Variants in GLB1 observed in about 807,000 individuals in gnomAD.
GLB1 encodes galactosidase beta 1, also known as beta-galactosidase.
A neutral mutation model predicts 74.0 loss-of-function variants in GLB1; 56 were observed. The ratio of observed to expected loss-of-function variants is 0.76; its 90% CI spans 0.61 to 0.94. GLB1 has a LOEUF of 0.94. GLB1 is among the 40% of genes least tolerant of loss of function. The probability of loss-of-function intolerance (pLI) is 0.00; values close to 1 mark genes in which losing one functional copy is unlikely to be tolerated. For missense variants in GLB1, 787 were observed against 845.5 expected (o/e 0.93, Z 0.86); for synonymous variants, 323 against 323.6 (o/e 1.00, Z 0.02).
At chr3:32,992,403 C>G (rs1281334743), downstream of GLB1, among the ~76,000 whole-genome samples, 1 of 152,174 alleles carries the variant, frequency 6.6e-6, no homozygotes, top group Non-Finnish European at 1.5e-5. Context: ...CTCTTGTCCC[C>G]CAGGTTTCCA....
chr3:33,051,924 G>A lies in GLB1; in HGVS notation c.873C>T (p.Ser291=), dbSNP rs755951134. ...HSTIKTEAVA[S]SLYDILARGA... ...CACGGGCAAGTATATCATAGAGGGA[G>A]GAAGCCACTGCTTCGGTCTTGATTG... The change falls in exon 8 of 16, where the codon TCC becomes TCT. Residue 291 remains serine (S), a synonymous_variant. Transcript: ENST00000307363. 3 of 1,614,232 alleles carry A rather than the reference G, an allele frequency of 1.9e-6. No individual in the cohort carries two copies. The highest frequency in any genetic ancestry group is 1.3e-5 in the African/African-American group (1 of 75,046).
the GLB1 span, among the ~76,000 whole-genome samples, chr3:32,976,481 C>A: frequency 6.6e-6 from 1 of 152,214 alleles, no homozygotes; most frequent in African/African-American, 2.4e-5. Flanking sequence ...GATCTTGCTT[C>A]CTCCCCAAGC....
At chr3:33,027,513 C>T (rs1004326181) in intron 10 of GLB1, among the ~76,000 whole-genome samples, 2 of 152,200 alleles carry the variant, frequency 1.3e-5, no homozygotes, top group South Asian at 2.1e-4. Flanking sequence ...AAGTGACACC[C>T]GGCTCACGCC....
chr3:32,972,196 C>G, the GLB1 span, among the ~76,000 whole-genome samples: 1 of 152,224 alleles, frequency 6.6e-6, no homozygotes, highest in Non-Finnish European at 1.5e-5. Context: ...GCAGGCAGTC[C>G]TTGAAATCAT....
rs910788690 is a variant in GLB1, at chr3:33,091,027, T to C, written c.75+5984A>G. ...AACCAGTGAAATAACACGTAACAGG[T>C]GAGTCAAACATTACCAGCCGCATCA... is the stretch of plus-strand genomic sequence containing the variant. On this transcript the variant is annotated intron_variant, in intron 1 of 15. Coordinates refer to ENST00000307363, the MANE Select transcript of GLB1 (RefSeq NM_000404.4). 7 of 984,690 alleles carry C rather than the reference T, an allele frequency of 7.1e-6. No individual in the cohort carries two copies. In the African/African-American group the frequency reaches 1.2e-4, roughly 17 times the overall value. 61.0% of individuals were successfully genotyped at this position (984,690 alleles called of 1,614,324 possible).
chr3:33,049,504 C>A (rs949793422), intron 9 of GLB1, among the ~76,000 whole-genome samples: 1 of 152,168 alleles, frequency 6.6e-6, no homozygotes, highest in Admixed American at 6.5e-5. Flanking sequence ...GCAACCTCCA[C>A]CACCTGGGTT....
At chr3:33,087,252 T>C (rs1050303524) in intron 1 of GLB1, among the ~76,000 whole-genome samples, 2 of 150,878 alleles carry the variant, frequency 1.3e-5, no homozygotes, top group Non-Finnish European at 3.0e-5. Flanking sequence ...CAATAGCTAT[T>C]AAAAAGATTG....
chr3:33,014,126 T>C lies in GLB1; in HGVS notation c.1664A>G (p.Asn555Ser), dbSNP rs1231200358. 1.2e-6 allele frequency: 2 copies of C among 1,614,160 alleles called. No individual in the cohort carries two copies. The highest frequency in any genetic ancestry group is 1.7e-5 in the Admixed American group (1 of 60,022). Residue 555 changes from asparagine to serine, a missense_variant, in exon 15 of 16, where the codon AAC (asparagine) becomes AGC (serine). Asn to Ser is a conservative substitution (Grantham distance 46, BLOSUM62 1). Coordinates refer to ENST00000307363, the MANE Select transcript of GLB1 (RefSeq NM_000404.4). ...TGGGATCCCACTGGGAATGGAGAAGTTCCCCATATAAAAGGCCGGGAGCGT... is the reference window on the plus strand; with the variant it reads ...TGGGATCCCACTGGGAATGGAGAAGCTCCCCATATAAAAGGCCGGGAGCGT... ...NYTLPAFYMG[N>S]FSIPSGIPDL...
At chr3:33,046,723 A>C (rs1287602902) in intron 9 of GLB1, among the ~76,000 whole-genome samples, 1 of 152,172 alleles carries the variant, frequency 6.6e-6, no homozygotes, top group African/African-American at 2.4e-5. Flanking sequence ...GGGCTTATTA[A>C]ACCAAACACA....
the GLB1 span, among the ~76,000 whole-genome samples, chr3:32,984,621 T>C: frequency 6.6e-6 from 1 of 151,900 alleles, no homozygotes; most frequent in African/African-American, 2.4e-5. Context: ...CCATTAAAAA[T>C]TTAAAAAATT....
chr3:33,068,170 A>G, intron 4 of GLB1, 60 bp downstream of exon 4: 3 of 1,611,380 alleles, frequency 1.9e-6, no homozygotes, highest in Non-Finnish European at 2.5e-6. Flanking sequence ...TACAGGCGTG[A>G]GCCACCGCAC....
In GLB1 at chr3:33,093,336, T is replaced by G; in HGVS notation, c.75+3675A>C. 1 of 1,614,140 alleles carries G rather than the reference T, an allele frequency of 6.2e-7. No individual in the cohort carries two copies. The highest frequency in any genetic ancestry group is 8.5e-7 in the Non-Finnish European group (1 of 1,180,028). On this transcript the variant is annotated intron_variant, in intron 1 of 15. Transcript: ENST00000307363. This position sits in a 1 kb window ranked among gnomAD's most constrained non-coding sequence, Gnocchi z 6.0. ...CAGGGATTCCAGAAGTGCAAACCAG[T>G]TGCTGACATCTGACGTGTAGTACTC...
the GLB1 span, among the ~76,000 whole-genome samples, chr3:32,976,336 C>G: frequency 6.6e-6 from 1 of 152,166 alleles, no homozygotes; most frequent in Non-Finnish European, 1.5e-5. Context: ...GCTGCTCAAG[C>G]TGGTGTGGGA....
intron 10 of GLB1, among the ~76,000 whole-genome samples, chr3:33,025,621 G>A (rs1441662645): frequency 2.0e-5 from 3 of 150,594 alleles, no homozygotes; most frequent in African/African-American, 7.3e-5. Context: ...GAGGTCGTGG[G>A]CCGTGGCGGT....
intron 15 of GLB1, among the ~76,000 whole-genome samples, chr3:33,008,761 G>T (rs977884107): frequency 3.3e-5 from 5 of 152,158 alleles, no homozygotes; most frequent in African/African-American, 1.2e-4. Context: ...CATGGAGGAG[G>T]AATGAAGGAG....
chr3:33,006,515 A>T (rs1424252525), intron 15 of GLB1, among the ~76,000 whole-genome samples: 1 of 152,076 alleles, frequency 6.6e-6, no homozygotes, highest in Admixed American at 6.6e-5. Flanking sequence ...CATACAGGAC[A>T]TATTGTGGAA....
chr3:33,079,402 C>T (rs1223774675), intron 1 of GLB1, among the ~76,000 whole-genome samples: 1 of 152,130 alleles, frequency 6.6e-6, no homozygotes, highest in Non-Finnish European at 1.5e-5. Flanking sequence ...AATGATATGC[C>T]TACTGAAGTA....
chr3:32,991,022 A>T, the GLB1 span, among the ~76,000 whole-genome samples: 2 of 152,102 alleles, frequency 1.3e-5, no homozygotes, highest in Non-Finnish European at 2.9e-5. Context: ...AAATTAAAGA[A>T]AGTTGAAGTA....
intron 2 of GLB1, among the ~76,000 whole-genome samples, chr3:33,072,334 A>G (rs1699916800): frequency 6.6e-6 from 1 of 152,124 alleles, no homozygotes; most frequent in South Asian, 2.1e-4. Flanking sequence ...TTATTTAATG[A>G]TTTCTGATGA....
Sources: gnomAD v4.1 joint callset for allele counts (sites outside exome capture counted in the v4.1 genomes callset) on GRCh38, gnomAD v4.1.1 for gene constraint, Gnocchi (gnomAD v3.1) non-coding constraint, MANE v1.5 for transcripts, NCBI Gene and HGNC (gene_info 2026-07-23, HGNC 2026-07-21) for gene names.